COL4A3: variants seen among roughly 807,000 people sequenced by gnomAD.
The protein encoded by COL4A3 is collagen alpha-3(IV) chain.
A neutral mutation model predicts 217.4 loss-of-function variants in COL4A3; 135 were observed. The ratio of observed to expected loss-of-function variants is 0.62; its 90% CI spans 0.54 to 0.72. The LOEUF (loss-of-function observed/expected upper bound fraction) is 0.72, where lower values mean the gene tolerates loss of function less well. Ranked by LOEUF, COL4A3 falls within the 30% of genes least tolerant of loss-of-function variation. COL4A3 has a pLI of 0.00. For missense variants in COL4A3, 1,868 were observed against 2,119.9 expected, an observed-to-expected ratio of 0.88 and a Z score of 2.33; for synonymous variants, 690 against 736.3, an observed-to-expected ratio of 0.94 and a Z score of 1.02.
In COL4A3 at chr2:227,304,128, G is replaced by A; in HGVS notation, c.4137G>A (p.Gly1379=). ...TGCAGGGAGAACCTGGGCCACCAGG[G>A]CCACCTGGAAACCTAGGTGTGGGAC... ...PGMQGEPGPP[G]PPGNLGPCGP... is the part of the protein sequence containing the mutation. Residue 1379 remains glycine, a synonymous_variant, in exon 46 of 52, where the codon GGG becomes GGA. Transcript: ENST00000396578. 1 of 1,614,100 alleles carries A rather than the reference G, an allele frequency of 6.2e-7. No homozygotes were observed. The highest frequency in any genetic ancestry group is 8.5e-7 in the Non-Finnish European group (1 of 1,179,978).
chr2:227,229,034 T>A (rs1432729886), intron 1 of COL4A3, among the ~76,000 whole-genome samples: 1 of 152,120 alleles, frequency 6.6e-6, no homozygotes, highest in African/African-American at 2.4e-5. Flanking sequence ...CTGCCTAGAC[T>A]CACAGAGGTG....
chr2:227,170,716 T>C (rs751392686), intron 1 of COL4A3, among the ~76,000 whole-genome samples: 10 of 152,192 alleles, frequency 6.6e-5, no homozygotes, highest in Non-Finnish European at 1.5e-4. Context: ...AGTAATAGTA[T>C]GTATTTTTGT....
In COL4A3 at chr2:227,231,050, G is replaced by A. The variant is rs193152739; in HGVS notation, c.88-6918G>A. On this transcript the variant is annotated intron_variant, in intron 1 of 51. Coordinates refer to ENST00000396578, the MANE Select transcript of COL4A3 (RefSeq NM_000091.5). Reference sequence around the variant, plus strand: ...GAGAATTAAAGCTGGAATTATTTTGGAGCAGTTCCACTAACGCAGGCATAG... The same window carrying A: ...GAGAATTAAAGCTGGAATTATTTTGAAGCAGTTCCACTAACGCAGGCATAG... 3.3e-3 allele frequency among the ~76,000 whole-genome samples: 509 copies of A among 152,258 alleles called. 2 individuals are homozygous for A. The highest frequency in any genetic ancestry group is 0.012 in the African/African-American group (479 of 41,546).
intron 25 of COL4A3, among the ~76,000 whole-genome samples, chr2:227,272,150 T>C (rs1325091487): frequency 1.3e-5 from 2 of 152,228 alleles, no homozygotes; most frequent in Non-Finnish European, 2.9e-5. Context: ...TTGTGGTAGT[T>C]ATGCTTATAA....
At chr2:227,307,941 CCAGTTGT>C in intron 48 of COL4A3, 22 bp downstream of exon 48, 1 of 1,604,562 alleles carries the variant, frequency 6.2e-7, no homozygotes, top group Middle Eastern at 1.8e-4. Context: ...GTCCCAGTTG[CCAGTTGT>C]GCTGTTCCAC....
chr2:227,216,288 A>G (rs1439038713), intron 1 of COL4A3, among the ~76,000 whole-genome samples: 1 of 152,190 alleles, frequency 6.6e-6, no homozygotes, highest in East Asian at 1.9e-4. Flanking sequence ...ATGATTGTAT[A>G]TATTTTATTG....
At chr2:227,195,683 G>GTGTGTA (rs2066444181) in intron 1 of COL4A3, among the ~76,000 whole-genome samples, 1 of 150,780 alleles carries the variant, frequency 6.6e-6, no homozygotes, top group South Asian at 2.1e-4. Context: ...GTGTGTGTGT[G>GTGTGTA]TGTGTGTGTG....
At chr2:227,193,066 T>G (rs935626502) in intron 1 of COL4A3, among the ~76,000 whole-genome samples, 1 of 152,204 alleles carries the variant, frequency 6.6e-6, no homozygotes, top group African/African-American at 2.4e-5. Flanking sequence ...TGCTTTGAGA[T>G]GCACTAGTTT....
At chr2:227,232,953 C>A (rs2068487263) in intron 1 of COL4A3, among the ~76,000 whole-genome samples, 3 of 152,022 alleles carry the variant, frequency 2.0e-5, no homozygotes, top group Non-Finnish European at 4.4e-5. Flanking sequence ...GGATTAATAT[C>A]CAGAAGGACT....
intron 1 of COL4A3, among the ~76,000 whole-genome samples, chr2:227,233,814 G>A (rs188446154): frequency 6.6e-4 from 101 of 152,224 alleles, no homozygotes; most frequent in African/African-American, 2.3e-3. Context: ...CCTCTCACCC[G>A]ACTGCTAAGC....
chr2:227,186,452 A>T (rs1364225109), intron 1 of COL4A3, among the ~76,000 whole-genome samples: 1 of 152,192 alleles, frequency 6.6e-6, no homozygotes, highest in Non-Finnish European at 1.5e-5. Flanking sequence ...TGCTCTCCCG[A>T]GGCCAGGCTA....
In COL4A3 at chr2:227,313,020, C is replaced by G. The variant is rs1289616803; in HGVS notation, c.*1150C>G. On this transcript the variant is annotated 3_prime_UTR_variant, in exon 52 of 52. Transcript: ENST00000396578. ...TGTTTAAAAATCTTAATGTATCAAACTGTATAACTTGGCCGCTGTATGTCT... is the reference window on the plus strand; with the variant it reads ...TGTTTAAAAATCTTAATGTATCAAAGTGTATAACTTGGCCGCTGTATGTCT... 1 of 152,250 alleles carries G rather than the reference C, an allele frequency of 6.6e-6. No homozygotes were observed. The highest frequency in any genetic ancestry group is 1.5e-5 in the Non-Finnish European group (1 of 67,958). The allele number at this position is 152,250 out of a possible 1,614,324, so 9.4% of individuals were successfully genotyped here.
At chr2:227,213,036 T>C (rs1048027729) in intron 1 of COL4A3, among the ~76,000 whole-genome samples, 4 of 152,250 alleles carry the variant, frequency 2.6e-5, no homozygotes, top group Admixed American at 6.5e-5. Context: ...GGTCAAACTT[T>C]GGTTTGACAT....
At chr2:227,238,867 TTCTC>T (rs2068851472) in intron 2 of COL4A3, among the ~76,000 whole-genome samples, 2 of 152,220 alleles carry the variant, frequency 1.3e-5, no homozygotes, top group South Asian at 4.1e-4. Context: ...GAGAAGCACT[TTCTC>T]TGTGATTCTC....
Position 227,254,712 on chromosome 2 carries a change from G to A in COL4A3, c.885G>A (p.Leu295=), listed in dbSNP as rs2070039487. The A allele has an allele frequency of 1.2e-6, 2 of 1,612,074 alleles. No individual in the cohort carries two copies. Among genetic ancestry groups the A allele is most frequent in the East Asian group, 2.2e-5 (1 of 44,866 alleles). ...AGGGTGCTCCTGGAGACCCTGGCCT[G>A]CAGGTAAATTTGGAAATTCGGTGTC... ...SEKGAPGDPG[L]QGKPGKDGVP... The change falls in exon 15 of 52, where the codon CTG becomes CTA. Residue 295 remains leucine (L), a synonymous_variant. Coordinates refer to ENST00000396578, the MANE Select transcript of COL4A3 (RefSeq NM_000091.5).
intron 24 of COL4A3, 75 bp from the exon 25 acceptor site, chr2:227,270,695 C>CCA: frequency 6.9e-7 from 1 of 1,452,776 alleles, no homozygotes; most frequent in South Asian, 1.2e-5. Flanking sequence ...AAGTTCTTGT[C>CCA]CACACTGTTT....
intron 2 of COL4A3, among the ~76,000 whole-genome samples, chr2:227,239,436 A>G (rs1180469044): frequency 6.6e-6 from 1 of 152,194 alleles, no homozygotes; most frequent in Admixed American, 6.5e-5. Flanking sequence ...TCCCCCACCG[A>G]CACTGAGGGA....
chr2:227,256,953 T>A (rs1450228527), intron 17 of COL4A3, among the ~76,000 whole-genome samples: 1 of 152,236 alleles, frequency 6.6e-6, no homozygotes, highest in Non-Finnish European at 1.5e-5. Context: ...CAGAGACTGT[T>A]GCTCCTGGAC....
At chr2:227,176,762 G>A (rs538150467) in intron 1 of COL4A3, among the ~76,000 whole-genome samples, 1 of 152,334 alleles carries the variant, frequency 6.6e-6, no homozygotes, top group South Asian at 2.1e-4. Flanking sequence ...CAAGTGGGAA[G>A]TTGGCAAATC....
Sources: gnomAD v4.1 joint callset for allele counts (sites outside exome capture counted in the v4.1 genomes callset) on GRCh38, gnomAD v4.1.1 for gene constraint, MANE v1.5 for transcripts, NCBI Gene and HGNC (gene_info 2026-07-23, HGNC 2026-07-21) for gene names.